PXN: variants seen among roughly 807,000 people sequenced by gnomAD.
PXN encodes paxillin, also known as testicular tissue protein Li 134.
In PXN, 61 loss-of-function variants were observed where a neutral mutation model predicts 103.6. The ratio of observed to expected loss-of-function variants is 0.59; its 90% CI spans 0.48 to 0.73. PXN has a LOEUF of 0.73. Among genes scored for constraint, PXN ranks in the 30% least tolerant of loss-of-function variants. The probability of loss-of-function intolerance (pLI) is 0.00; values close to 1 mark genes in which losing one functional copy is unlikely to be tolerated. For missense variants in PXN, 1,274 were observed against 1,460.3 expected (o/e 0.87, Z 2.08); for synonymous variants, 562 against 607.8 (o/e 0.92, Z 1.11).
chr12:120,254,619 C>T (rs1003770849), intron 1 of PXN, among the ~76,000 whole-genome samples: 3 of 151,352 alleles, frequency 2.0e-5, no homozygotes, highest in African/African-American at 7.3e-5. Context: ...GGTGTGATCT[C>T]GGCTCACTGC....
At chr12:120,248,774 AATG>A (rs1891651125) in intron 1 of PXN, 1 of 152,200 alleles carries the variant, frequency 6.6e-6, no homozygotes, top group African/African-American at 2.4e-5. Context: ...GTTGTGAGGA[AATG>A]ATAAGGGAAC....
Position 120,217,094 on chromosome 12 carries a change from C to G in PXN, c.1739G>C (p.Ser580Thr), listed in dbSNP as rs1420709854. The change falls in exon 8 of 15, where the codon AGC becomes ACC. Residue 580 changes from serine to threonine, a missense_variant. Ser to Thr is a moderately conservative substitution (Grantham distance 58). Transcript: ENST00000637617. This position sits in a 1 kb window ranked among gnomAD's most constrained non-coding sequence, Gnocchi z 4.1. ...SGQIRSVIRR[S>T]WESGHAHPMS... The stretch of plus-strand genomic sequence containing the variant: ...GGGGTGTGCGTGGCCAGACTCCCAG[C>G]TCCTCCTGATCACAGATCGGATCTA... The G allele has an allele frequency of 6.3e-7, 1 of 1,590,432 alleles. No homozygotes were observed. Among genetic ancestry groups the G allele is most frequent in the Non-Finnish European group, 8.5e-7 (1 of 1,176,758 alleles).
rs560444587 is a variant in PXN at position 120,219,263 on chromosome 12, A to C, written c.1660T>G (p.Cys554Gly). 3.8e-5 allele frequency: 61 copies of C among 1,598,132 alleles called. No individual in the cohort carries two copies. The highest frequency in any genetic ancestry group is 5.1e-5 in the Non-Finnish European group (60 of 1,179,678). ...QDGKEQPELPCAMAMGTPSTT... is the reference protein window; with the variant it reads ...QDGKEQPELPGAMAMGTPSTT... ...CTGGGTGTGCCCATGGCCATGGCAC[A>C]TGGAAGCTCTGGCTGTTCCTTCCCG... Residue 554 changes from cysteine to glycine, a missense_variant, in exon 7 of 15, where the codon TGT (cysteine) becomes GGT (glycine). Physicochemically the swap from Cys to Gly is radical, Grantham distance 159. This residue lies in a region of PXN where 1,178 missense variants were observed against 1,309.0 expected (regional missense o/e 0.90). Coordinates refer to ENST00000637617, the MANE Select transcript of PXN (RefSeq NM_001385981.1). This position sits in a 1 kb window ranked among gnomAD's most constrained non-coding sequence, Gnocchi z 6.5.
intron 1 of PXN, among the ~76,000 whole-genome samples, chr12:120,231,375 A>G (rs1888009459): frequency 6.6e-6 from 1 of 152,250 alleles, no homozygotes; most frequent in South Asian, 2.1e-4. Context: ...CCATAGTGTC[A>G]TTTAAATATT....
chr12:120,210,951 C>T lies in PXN; in HGVS notation c.*1363G>A, dbSNP rs1880033761. The T allele has an allele frequency of 1.3e-5, 2 of 152,710 alleles. No individual in the cohort carries two copies. Among genetic ancestry groups the T allele is most frequent in the Admixed American group, 6.5e-5 (1 of 15,288 alleles). 9.5% of individuals were successfully genotyped at this position (152,710 alleles called of 1,614,324 possible). A position where few individuals can be genotyped will look rare whatever the true frequency, so the allele number is the denominator to read the frequency against. On this transcript the variant is annotated 3_prime_UTR_variant, in exon 15 of 15. Transcript: ENST00000637617. ...CCAGACCCCCTGAGTGCCGATCCCA[C>T]CTGTGAAAGGGGAGGAGCAGATCTG... is the stretch of plus-strand genomic sequence containing the variant.
chr12:120,241,213 A>C (rs1271159991), intron 1 of PXN, among the ~76,000 whole-genome samples: 2 of 152,210 alleles, frequency 1.3e-5, no homozygotes, highest in African/African-American at 2.4e-5. Context: ...GTCAGATCAC[A>C]GCTTGGTCCT....
intron 1 of PXN, among the ~76,000 whole-genome samples, chr12:120,249,044 C>T (rs769810613): frequency 6.6e-6 from 1 of 151,828 alleles, no homozygotes; most frequent in African/African-American, 2.4e-5. Flanking sequence ...GGCTGAGGCA[C>T]GAGAATCGCT....
chr12:120,215,054 C>G lies in PXN; in HGVS notation c.2574+49G>C, dbSNP rs553160417. 1.1e-4 allele frequency: 170 copies of G among 1,601,148 alleles called. 2 individuals are homozygous for G. In the South Asian group the frequency reaches 1.8e-3, roughly 17 times the overall value. On this transcript the variant is annotated intron_variant, in intron 11 of 14. Transcript: ENST00000637617. The surrounding 1 kb of genome is among the most constrained non-coding windows in gnomAD (Gnocchi z 4.9). The stretch of plus-strand genomic sequence containing the variant: ...CAAGGCCAGCCCCGGAGCACCCCCA[C>G]CCCTGCAGGAGTCCACTGGCCACAC...
chr12:120,258,184 C>T (rs1893318085), intron 1 of PXN, among the ~76,000 whole-genome samples: 1 of 147,448 alleles, frequency 6.8e-6, no homozygotes, highest in Non-Finnish European at 1.5e-5. Context: ...CAGAGTAAGA[C>T]TCCGTCTCAA....
At chr12:120,243,516 C>A (rs1890518298) in intron 1 of PXN, among the ~76,000 whole-genome samples, 1 of 152,132 alleles carries the variant, frequency 6.6e-6, no homozygotes, top group Non-Finnish European at 1.5e-5. Context: ...ACAGCAAGAC[C>A]CTGTCTCTAC....
intron 1 of PXN, among the ~76,000 whole-genome samples, chr12:120,245,657 G>A (rs1392354738): frequency 2.6e-5 from 4 of 151,510 alleles, no homozygotes; most frequent in African/African-American, 7.3e-5. Context: ...GTGTTGTGGC[G>A]GGCACCTGTA....
At position 120,222,049 on chromosome 12, in the gene PXN, A is replaced by G. The variant is rs1325321199; in HGVS notation, c.696-291T>C. Among the ~76,000 whole-genome samples, 8 of 152,168 alleles carry G rather than the reference A, an allele frequency of 5.3e-5. No homozygotes were observed. On this transcript the variant is annotated intron_variant, in intron 5 of 14. Coordinates refer to ENST00000637617, the MANE Select transcript of PXN (RefSeq NM_001385981.1). This position sits in a 1 kb window ranked among gnomAD's most constrained non-coding sequence, Gnocchi z 4.7. ...CTCCACAACACTGGACATGGAGGTG[A>G]GGCTACTGCAGTAACACGACGGCAC... is the stretch of plus-strand genomic sequence containing the variant.
intron 1 of PXN, among the ~76,000 whole-genome samples, chr12:120,236,369 A>G (rs767169884): frequency 1.2e-4 from 18 of 151,942 alleles, no homozygotes; most frequent in Non-Finnish European, 2.6e-4. Context: ...TGGAGGGTGG[A>G]ATACAGTGGC....
At position 120,220,017 on chromosome 12, in the gene PXN, A is replaced by G. The variant is rs775099403; in HGVS notation, c.906T>C (p.Pro302=). The stretch of plus-strand genomic sequence containing the variant: ...CAGATGGCATGGGAGGAGGAGAAGG[A>G]GGAAGGGAGCAGTATGAGGACGGAG... ...SSAPSSYCSL[P]PSPPPMPSVF... The change falls in exon 7 of 15, where the codon CCT becomes CCC. Residue 302 remains proline, a synonymous_variant. Coordinates refer to ENST00000637617, the MANE Select transcript of PXN (RefSeq NM_001385981.1). The surrounding 1 kb of genome is among the most constrained non-coding windows in gnomAD (Gnocchi z 6.1). 4 of 1,551,188 alleles carry G rather than the reference A, an allele frequency of 2.6e-6. No individual in the cohort carries two copies. The African/African-American group carries it at 4.1e-5, about 16-fold the overall frequency.
chr12:120,221,095 G>T lies in PXN; in HGVS notation c.831+528C>A, dbSNP rs1180684910. On this transcript the variant is annotated intron_variant, in intron 6 of 14. Transcript: ENST00000637617. The surrounding 1 kb of genome is among the most constrained non-coding windows in gnomAD (Gnocchi z 6.6). ...ACGCTCGTGGGAACTCAGAGGCCCT[G>T]GAGGGCGAGAGGGAAGGATGGGAGA... Among the ~76,000 whole-genome samples, 3 of 152,186 alleles carry T rather than the reference G, an allele frequency of 2.0e-5. No homozygotes were observed. The highest frequency in any genetic ancestry group is 4.4e-5 in the Non-Finnish European group (3 of 68,030).
At chr12:120,236,338 G>T (rs371851009) in intron 1 of PXN, among the ~76,000 whole-genome samples, 1 of 152,106 alleles carries the variant, frequency 6.6e-6, no homozygotes, top group African/African-American at 2.4e-5. Flanking sequence ...TTGAGACAGG[G>T]TCTTGCTCTG....
At chr12:120,223,619 G>C (rs1478353215) in intron 3 of PXN, 99 bp downstream of exon 3, 27 of 891,184 alleles carry the variant, frequency 3.0e-5, no homozygotes, top group African/African-American at 8.4e-5. Flanking sequence ...AGGCCCAGTT[G>C]CTATGCCTGC....
chr12:120,215,607 G>T lies in PXN; in HGVS notation c.2356C>A (p.Pro786Thr). 1.9e-6 allele frequency: 3 copies of T among 1,610,968 alleles called. No homozygotes were observed. The highest frequency in any genetic ancestry group is 2.5e-6 in the Non-Finnish European group (3 of 1,178,846). The change falls in exon 10 of 15, where the codon CCT (proline) becomes ACT (threonine). Residue 786 changes from proline (P) to threonine (T), a missense_variant. Pro to Thr is a conservative substitution (Grantham distance 38). This residue lies in a region of PXN where 1,178 missense variants were observed against 1,309.0 expected (regional missense o/e 0.90). Coordinates refer to ENST00000637617, the MANE Select transcript of PXN (RefSeq NM_001385981.1). This position sits in a 1 kb window ranked among gnomAD's most constrained non-coding sequence, Gnocchi z 4.9. ...GGGCTGCTCCGCCCGCCGTCCCGAG[G>T]CCAGCCGGCCGCCCAGCACCGCTCC... Reference protein sequence around the residue: ...DGERCWAAGWPRDGGRSSPGG... With the variant: ...DGERCWAAGWTRDGGRSSPGG...
chr12:120,211,816 C>T lies in PXN; in HGVS notation c.*498G>A. ...TTCCATGGCCCCTTTGGTTCTCTGCCTTTGGATGGATGGATTTATGCTGGC... is the reference window on the plus strand; with the variant it reads ...TTCCATGGCCCCTTTGGTTCTCTGCTTTTGGATGGATGGATTTATGCTGGC... On this transcript the variant is annotated 3_prime_UTR_variant, in exon 15 of 15. Transcript: ENST00000637617. 2.3e-6 allele frequency: 1 copy of T among 442,904 alleles called. No individual in the cohort carries two copies. The highest frequency in any genetic ancestry group is 4.6e-6 in the Non-Finnish European group (1 of 218,712). The allele number at this position is 442,904 out of a possible 1,614,324, so 27.4% of individuals were successfully genotyped here.
Sources: allele counts gnomAD v4.1 joint callset (sites outside exome capture counted in the v4.1 genomes callset), GRCh38; gene constraint gnomAD v4.1.1; regional missense constraint gnomAD v4.1.1; non-coding constraint Gnocchi (gnomAD v3.1); transcripts MANE v1.5; gene names NCBI Gene and HGNC (gene_info 2026-07-23, HGNC 2026-07-21).